GALNT17: variants seen among roughly 807,000 people sequenced by gnomAD.
GALNT17 encodes the protein UDP-GalNAc:polypeptide N-acetylgalactosaminyltransferase-like 3.
In GALNT17, 29 loss-of-function variants were observed where a neutral mutation model predicts 63.7. That is an observed-to-expected ratio of 0.46 (90% CI 0.34 to 0.62). GALNT17 has a LOEUF of 0.62. GALNT17 is among the 20% of genes least tolerant of loss of function. The pLI is 0.01. For synonymous variants in GALNT17, 305 were observed against 318.3 expected, an observed-to-expected ratio of 0.96 and a Z score of 0.45; for missense variants, 603 against 799.6, an observed-to-expected ratio of 0.75 and a Z score of 2.97.
intron 5 of GALNT17, among the ~76,000 whole-genome samples, chr7:71,494,787 G>A (rs1385810373): frequency 6.6e-6 from 1 of 152,186 alleles, no homozygotes; most frequent in Non-Finnish European, 1.5e-5. Context: ...CGTGGCTGGG[G>A]AGGCCTCACA....
intron 1 of GALNT17, among the ~76,000 whole-genome samples, chr7:71,170,947 G>C (rs977807588): frequency 4.0e-5 from 6 of 151,858 alleles, no homozygotes; most frequent in Non-Finnish European, 7.4e-5. Context: ...TTTATTGCTA[G>C]GTAGGTCAGA....
chr7:71,275,208 C>T (rs572628607), intron 1 of GALNT17, among the ~76,000 whole-genome samples: 2 of 152,138 alleles, frequency 1.3e-5, no homozygotes, highest in Non-Finnish European at 2.9e-5. Flanking sequence ...CAAAGATTCT[C>T]AGAGTCAGAA....
intron 5 of GALNT17, among the ~76,000 whole-genome samples, chr7:71,547,312 C>T (rs1256654443): frequency 6.6e-6 from 1 of 152,104 alleles, no homozygotes; most frequent in Non-Finnish European, 1.5e-5. Context: ...TTACAGGCCC[C>T]TGTCACCACA....
At chr7:71,457,882 C>T (rs1390625932) in intron 5 of GALNT17, among the ~76,000 whole-genome samples, 1 of 152,172 alleles carries the variant, frequency 6.6e-6, no homozygotes, top group East Asian at 1.9e-4. Context: ...TTTTACCCAG[C>T]TCCTTTTCAA....
At chr7:71,432,285 G>A (rs192569273) in intron 5 of GALNT17, among the ~76,000 whole-genome samples, 10 of 152,176 alleles carry the variant, frequency 6.6e-5, no homozygotes, top group South Asian at 2.1e-4. Flanking sequence ...TTTGCTCCGC[G>A]GTGGCACATA....
At chr7:71,354,904 C>G (rs1012690851) in intron 2 of GALNT17, among the ~76,000 whole-genome samples, 11 of 152,266 alleles carry the variant, frequency 7.2e-5, no homozygotes, top group African/African-American at 2.6e-4. Context: ...GTTTCTGTCT[C>G]TAATGATGTC....
chr7:71,551,168 C>T (rs1185306475), intron 5 of GALNT17, among the ~76,000 whole-genome samples: 2 of 152,090 alleles, frequency 1.3e-5, no homozygotes, highest in Non-Finnish European at 2.9e-5. Flanking sequence ...CTCTGTGCTT[C>T]ATTCTTCATA....
chr7:71,165,944 G>A (rs1043144967), intron 1 of GALNT17, among the ~76,000 whole-genome samples: 2 of 137,580 alleles, frequency 1.5e-5, no homozygotes, highest in Non-Finnish European at 3.0e-5. Flanking sequence ...GTTAGTGAAA[G>A]CTGCTCTTTT....
At chr7:71,319,280 A>G (rs1791561465) in intron 1 of GALNT17, among the ~76,000 whole-genome samples, 2 of 151,772 alleles carry the variant, frequency 1.3e-5, no homozygotes, top group African/African-American at 2.4e-5. Context: ...GAATCTACCC[A>G]GGTTTTGGTT....
chr7:71,598,205 G>A (rs1789916144), intron 6 of GALNT17, among the ~76,000 whole-genome samples: 1 of 152,142 alleles, frequency 6.6e-6, no homozygotes, highest in South Asian at 2.1e-4. Context: ...GCCTCCCAAA[G>A]TTCTGGGATT....
At chr7:71,554,972 T>C (rs7808739) in intron 5 of GALNT17, among the ~76,000 whole-genome samples, 97,918 of 152,032 alleles carry the variant, frequency 0.64, 32,456 homozygotes, top group Non-Finnish European at 0.72. Context: ...AGAAGCATGG[T>C]GCCAACATCT....
chr7:71,344,347 G>T (rs1792054243), intron 2 of GALNT17, among the ~76,000 whole-genome samples: 1 of 152,088 alleles, frequency 6.6e-6, no homozygotes, highest in Admixed American at 6.5e-5. Flanking sequence ...CATGGCTCAG[G>T]GGACAGTTCT....
intron 1 of GALNT17, among the ~76,000 whole-genome samples, chr7:71,151,010 T>TC (rs1788122794): frequency 6.7e-6 from 1 of 148,940 alleles, no homozygotes; most frequent in South Asian, 2.1e-4. Flanking sequence ...AGCATCCTGG[T>TC]CCCTGAGTGA....
intron 5 of GALNT17, among the ~76,000 whole-genome samples, chr7:71,464,603 G>A (rs192247196): frequency 2.0e-5 from 3 of 152,264 alleles, no homozygotes; most frequent in Admixed American, 2.0e-4. Context: ...TGCTGGGAAA[G>A]TGATCTTTTC....
intron 6 of GALNT17, among the ~76,000 whole-genome samples, chr7:71,662,675 G>T (rs1237845328): frequency 6.6e-6 from 1 of 152,014 alleles, no homozygotes; most frequent in Non-Finnish European, 1.5e-5. Context: ...TGCTTTCCAG[G>T]TTCATCCATG....
intron 3 of GALNT17, among the ~76,000 whole-genome samples, chr7:71,408,997 C>A (rs1208030913): frequency 1.4e-5 from 2 of 142,930 alleles, no homozygotes; most frequent in South Asian, 4.4e-4. Context: ...TACACACATA[C>A]ATATATATGC....
chr7:71,519,434 A>G (rs182589898), intron 5 of GALNT17, among the ~76,000 whole-genome samples: 2 of 151,862 alleles, frequency 1.3e-5, no homozygotes, highest in Admixed American at 6.6e-5. Flanking sequence ...CCTTCCTCCA[A>G]TCTCTGAGCT....
chr7:71,357,744 G>C (rs747905657), intron 2 of GALNT17, among the ~76,000 whole-genome samples: 1 of 152,122 alleles, frequency 6.6e-6, no homozygotes, highest in Non-Finnish European at 1.5e-5. Context: ...GAGAGGTGAA[G>C]CCTGCTGGAC....
chr7:71,452,117 C>A (rs1192703989), intron 5 of GALNT17, among the ~76,000 whole-genome samples: 1 of 152,106 alleles, frequency 6.6e-6, no homozygotes, highest in East Asian at 1.9e-4. Flanking sequence ...AGGGCGCACA[C>A]CTGTAGTCCC....
Sources: gnomAD v4.1 joint callset for allele counts (sites outside exome capture counted in the v4.1 genomes callset) on GRCh38, gnomAD v4.1.1 for gene constraint, MANE v1.5 for transcripts, NCBI Gene and HGNC (gene_info 2026-07-23, HGNC 2026-07-21) for gene names.